Variants in FHIT observed in about 807,000 individuals in gnomAD.
The protein encoded by FHIT is bis(5'-adenosyl)-triphosphatase.
A neutral mutation model predicts 17.9 loss-of-function variants in FHIT; 19 were observed. The observed-to-expected ratio is 1.06, with a 90% CI of 0.74 to 1.56. FHIT has a LOEUF of 1.56. Ranked by LOEUF, FHIT falls within the 40% of genes most tolerant of loss-of-function variation. The pLI is 0.00. For missense variants in FHIT, 248 were observed against 189.2 expected, an observed-to-expected ratio of 1.31 and a Z score of -1.82; for synonymous variants, 81 against 69.7, an observed-to-expected ratio of 1.16 and a Z score of -0.81.
chr3:60,527,120 A>C (rs1559513806), intron 5 of FHIT, among the ~76,000 whole-genome samples: 1 of 152,128 alleles, frequency 6.6e-6, no homozygotes. Context: ...AAATATGAAA[A>C]GTTTCACTCA....
intron 5 of FHIT, among the ~76,000 whole-genome samples, chr3:60,238,130 C>A (rs75468305): frequency 8.1e-6 from 1 of 124,036 alleles, no homozygotes; most frequent in Non-Finnish European, 1.6e-5. Context: ...TGGCACCAAG[C>A]GAGACTCCGT....
intron 7 of FHIT, among the ~76,000 whole-genome samples, chr3:59,933,843 G>T (rs1706091865): frequency 6.6e-6 from 1 of 152,112 alleles, no homozygotes; most frequent in Non-Finnish European, 1.5e-5. Context: ...TCTGCAGATA[G>T]CAGGGGAAAA....
At position 60,078,774 on chromosome 3, in the gene FHIT, TATAAC is replaced by T. The variant is rs774575932; in HGVS notation, c.104-64627_104-64623del. 2.6e-5 allele frequency among the ~76,000 whole-genome samples: 4 copies of T among 152,180 alleles called. No homozygotes were observed. In the East Asian group the frequency reaches 5.8e-4, roughly 22 times the overall value. ...AAAATTATATATACATTTATACACA[TATAAC>T]ATATATGGTACACACACTCATATAT... On this transcript the variant is annotated intron_variant, in intron 5 of 9. Coordinates refer to ENST00000492590, the MANE Select transcript of FHIT (RefSeq NM_002012.4).
chr3:60,397,834 A>G (rs1576595359), intron 5 of FHIT, among the ~76,000 whole-genome samples: 1 of 152,288 alleles, frequency 6.6e-6, no homozygotes, highest in East Asian at 1.9e-4. Context: ...TATTTTACAT[A>G]TACCTACCCT....
chr3:60,279,369 A>G (rs1381463792), intron 5 of FHIT, among the ~76,000 whole-genome samples: 2 of 152,202 alleles, frequency 1.3e-5, no homozygotes, highest in Non-Finnish European at 2.9e-5. Flanking sequence ...AGGTCTATTC[A>G]GGTTATATCT....
chr3:60,081,043 A>AAC (rs1703260583), intron 5 of FHIT, among the ~76,000 whole-genome samples: 1 of 152,140 alleles, frequency 6.6e-6, no homozygotes, highest in South Asian at 2.1e-4. Flanking sequence ...AGGGATAGAG[A>AAC]CCAGGCAAGA....
At chr3:59,977,894 T>C (rs1392055972) in intron 7 of FHIT, among the ~76,000 whole-genome samples, 1 of 152,182 alleles carries the variant, frequency 6.6e-6, no homozygotes, top group Non-Finnish European at 1.5e-5. Context: ...TATTCAGAAG[T>C]TGGTGGTCCA....
intron 5 of FHIT, among the ~76,000 whole-genome samples, chr3:60,116,757 G>C (rs528502365): frequency 5.9e-5 from 9 of 152,248 alleles, no homozygotes; most frequent in African/African-American, 2.2e-4. Flanking sequence ...GCAAGGCACT[G>C]AGAAATCACA....
intron 4 of FHIT, among the ~76,000 whole-genome samples, chr3:60,724,986 T>G (rs1230107620): frequency 6.6e-6 from 1 of 152,122 alleles, no homozygotes; most frequent in African/African-American, 2.4e-5. Context: ...TTAGTGGGTG[T>G]GATGTGGTAT....
chr3:60,051,396 G>T (rs1049905802), intron 5 of FHIT, among the ~76,000 whole-genome samples: 8 of 144,948 alleles, frequency 5.5e-5, no homozygotes, highest in Non-Finnish European at 1.5e-5. Context: ...ATCAGACCAT[G>T]ACCAAATAAG....
intron 5 of FHIT, among the ~76,000 whole-genome samples, chr3:60,489,518 G>A (rs946323010): frequency 5.3e-5 from 8 of 152,110 alleles, no homozygotes; most frequent in Non-Finnish European, 1.2e-4. Context: ...GGCCTAAGGA[G>A]CCTATAGCAT....
In FHIT at chr3:60,323,496, C is replaced by G. The variant is rs115738342; in HGVS notation, c.103+213364G>C. 9.9e-3 allele frequency among the ~76,000 whole-genome samples: 1,504 copies of G among 152,220 alleles called. 23 individuals are homozygous for G. The highest frequency in any genetic ancestry group is 0.032 in the African/African-American group (1,320 of 41,548). On this transcript the variant is annotated intron_variant, in intron 5 of 9. Transcript: ENST00000492590. ...ATGAAGCCCAGGGAGGTCATACAAC[C>G]TGGTATATGGTACAACATCGCCCTG... is the stretch of plus-strand genomic sequence containing the variant.
chr3:60,887,747 A>G (rs1705298702), intron 3 of FHIT, among the ~76,000 whole-genome samples: 2 of 152,322 alleles, frequency 1.3e-5, no homozygotes, highest in East Asian at 1.9e-4. Context: ...GTAAATGTCA[A>G]GAAATCAGTC....
intron 5 of FHIT, among the ~76,000 whole-genome samples, chr3:60,454,496 T>G (rs977506216): frequency 1.3e-5 from 2 of 151,910 alleles, no homozygotes; most frequent in East Asian, 3.9e-4. Flanking sequence ...GCAATTCTCC[T>G]GCCTCAGCCT....
At chr3:60,236,437 C>T (rs1190079776) in intron 5 of FHIT, among the ~76,000 whole-genome samples, 3 of 151,840 alleles carry the variant, frequency 2.0e-5, no homozygotes, top group African/African-American at 7.3e-5. Context: ...TTCAAATCCC[C>T]ACTACTACCC....
chr3:59,939,541 T>C (rs1706407668), intron 7 of FHIT, among the ~76,000 whole-genome samples: 1 of 152,314 alleles, frequency 6.6e-6, no homozygotes, highest in Non-Finnish European at 1.5e-5. Flanking sequence ...TAATGATTTT[T>C]CTATGCCTTT....
At chr3:59,872,206 A>C (rs6446086) in intron 8 of FHIT, among the ~76,000 whole-genome samples, 112,382 of 152,020 alleles carry the variant, frequency 0.74, 42,474 homozygotes, top group East Asian at 1. Flanking sequence ...GGAGGTTAGG[A>C]TCTTGGGCTT....
At chr3:60,228,046 C>T in intron 5 of FHIT, among the ~76,000 whole-genome samples, 1 of 152,104 alleles carries the variant, frequency 6.6e-6, no homozygotes, top group East Asian at 1.9e-4. Context: ...AAGCCTCTTG[C>T]CTCACAATAA....
At chr3:59,753,612 G>GTTAAAAGTCAT (rs1559572671) in intron 8 of FHIT, among the ~76,000 whole-genome samples, 1 of 152,182 alleles carries the variant, frequency 6.6e-6, no homozygotes, top group Non-Finnish European at 1.5e-5. Context: ...TGTGTTATGT[G>GTTAAAAGTCAT]TTAAAAGTCA....
Sources: gnomAD v4.1 joint callset for allele counts (sites outside exome capture counted in the v4.1 genomes callset) on GRCh38, gnomAD v4.1.1 for gene constraint, MANE v1.5 for transcripts, NCBI Gene and HGNC (gene_info 2026-07-23, HGNC 2026-07-21) for gene names.